EDARADD: variants seen among roughly 807,000 people sequenced by gnomAD.
The protein encoded by EDARADD is ectodysplasin-A receptor-associated adapter protein.
A neutral mutation model predicts 25.6 loss-of-function variants in EDARADD; 20 were observed. The ratio of observed to expected loss-of-function variants is 0.78; its 90% CI spans 0.55 to 1.14. EDARADD has a LOEUF of 1.14. EDARADD is among the 50% of genes most tolerant of loss of function. EDARADD has a pLI of 0.00. For synonymous variants in EDARADD, 86 were observed against 94.4 expected (o/e 0.91, Z 0.52); for missense variants, 225 against 270.1 (o/e 0.83, Z 1.17).
intron 3 of EDARADD, among the ~76,000 whole-genome samples, chr1:236,387,083 T>C (rs1572120391): frequency 7.2e-5 from 1 of 13,812 alleles, no homozygotes; most frequent in Admixed American, 9.3e-4. Context: ...AGCCGCCCCG[T>C]CCGGGAGGGA....
At chr1:236,377,283 G>A (rs1667235395) in intron 3 of EDARADD, among the ~76,000 whole-genome samples, 1 of 150,878 alleles carries the variant, frequency 6.6e-6, no homozygotes, top group Non-Finnish European at 1.5e-5. Flanking sequence ...AGCCCCCCGA[G>A]TAGTTGGGAT....
At chr1:236,412,955 G>A (rs1475069415) in intron 2 of EDARADD, among the ~76,000 whole-genome samples, 3 of 152,186 alleles carry the variant, frequency 2.0e-5, no homozygotes, top group Non-Finnish European at 4.4e-5. Context: ...TGCAACCTCC[G>A]CCTCCTGGGG....
chr1:236,484,409 G>C lies in EDARADD; in HGVS notation c.*1760G>C. 6.2e-7 allele frequency: 1 copy of C among 1,610,026 alleles called. No individual in the cohort carries two copies. The highest frequency in any genetic ancestry group is 2.2e-5 in the East Asian group (1 of 44,840). On this transcript the variant is annotated 3_prime_UTR_variant, in exon 6 of 6. Transcript: ENST00000334232. The surrounding 1 kb of genome is among the most constrained non-coding windows in gnomAD (Gnocchi z 4.1). ...ACAACCAGCTCCTCAGAATTGAAGA[G>C]GAGCTGGGCAGCAAGGCTAAGTTTG...
chr1:236,472,257 A>T (rs1414241565), intron 5 of EDARADD, among the ~76,000 whole-genome samples: 2 of 152,182 alleles, frequency 1.3e-5, no homozygotes, highest in Non-Finnish European at 2.9e-5. Context: ...GTGTAATTCC[A>T]AAATCTAATT....
At chr1:236,421,459 G>A (rs1232426166) in intron 3 of EDARADD, among the ~76,000 whole-genome samples, 1 of 136,420 alleles carries the variant, frequency 7.3e-6, no homozygotes, top group Non-Finnish European at 1.6e-5. Context: ...AAGGAGACTT[G>A]TGGTTAGGCC....
At chr1:236,473,330 C>G (rs1041413474) in intron 5 of EDARADD, among the ~76,000 whole-genome samples, 3 of 151,956 alleles carry the variant, frequency 2.0e-5, no homozygotes, top group African/African-American at 7.2e-5. Flanking sequence ...CCGTGGAGAT[C>G]TAAGACAGGA....
At chr1:236,441,242 C>A (rs1442043148) in intron 4 of EDARADD, among the ~76,000 whole-genome samples, 2 of 146,460 alleles carry the variant, frequency 1.4e-5, no homozygotes, top group African/African-American at 5.0e-5. Flanking sequence ...AAAGACTAAT[C>A]CAGAGTAAGG....
At chr1:236,421,145 T>C (rs11589579) in intron 3 of EDARADD, among the ~76,000 whole-genome samples, 3,073 of 147,248 alleles carry the variant, frequency 0.021, 326 homozygotes, top group Non-Finnish European at 0.033. Context: ...ACAGATGAGA[T>C]CGACAGGAAT....
At chr1:236,412,031 G>T (rs370630010) in intron 2 of EDARADD, among the ~76,000 whole-genome samples, 8 of 152,154 alleles carry the variant, frequency 5.3e-5, no homozygotes, top group East Asian at 1.9e-4. Flanking sequence ...TATTCCCGCT[G>T]GGTACAGGAT....
At chr1:236,467,645 T>C (rs188020255) in intron 4 of EDARADD, among the ~76,000 whole-genome samples, 18 of 149,944 alleles carry the variant, frequency 1.2e-4, no homozygotes, top group African/African-American at 4.3e-4. Context: ...AGGGAAAGAA[T>C]TGTAACCTGG....
intron 5 of EDARADD, among the ~76,000 whole-genome samples, chr1:236,475,740 G>A (rs902550339): frequency 6.6e-6 from 1 of 151,230 alleles, no homozygotes; most frequent in Non-Finnish European, 1.5e-5. Context: ...CTCCAGCTTG[G>A]GCAACAAGGG....
chr1:236,454,399 C>T (rs1658800145), intron 4 of EDARADD, among the ~76,000 whole-genome samples: 1 of 152,212 alleles, frequency 6.6e-6, no homozygotes, highest in African/African-American at 2.4e-5. Flanking sequence ...ACCCCTCACA[C>T]ACCGCCTGCA....
chr1:236,422,555 C>T (rs181863580), intron 3 of EDARADD, among the ~76,000 whole-genome samples: 4 of 152,320 alleles, frequency 2.6e-5, no homozygotes, highest in Admixed American at 6.5e-5. Context: ...AATCTTGGGT[C>T]CTTCCTTTAT....
At chr1:236,365,162 T>C (rs201068295) in intron 3 of EDARADD, among the ~76,000 whole-genome samples, 4 of 150,388 alleles carry the variant, frequency 2.7e-5, no homozygotes, top group Non-Finnish European at 4.4e-5. Flanking sequence ...TTTTTTTTCT[T>C]TCTCTCTCTC....
chr1:236,436,340 A>G (rs1028134804), intron 4 of EDARADD, among the ~76,000 whole-genome samples: 1 of 152,094 alleles, frequency 6.6e-6, no homozygotes, highest in African/African-American at 2.4e-5. Flanking sequence ...CATTTTTAGT[A>G]GAGACCACCA....
At chr1:236,357,093 A>AT (rs1264698717) in intron 3 of EDARADD, among the ~76,000 whole-genome samples, 2 of 152,034 alleles carry the variant, frequency 1.3e-5, no homozygotes, top group African/African-American at 4.8e-5. Flanking sequence ...TCAAATAAAA[A>AT]ATAAAAAAAA....
chr1:236,396,005 C>T (rs1302403716), intron 1 of EDARADD, among the ~76,000 whole-genome samples: 3 of 152,220 alleles, frequency 2.0e-5, no homozygotes, highest in Non-Finnish European at 4.4e-5. Context: ...CAGAAATGGG[C>T]GCAAGGGGGT....
intron 4 of EDARADD, among the ~76,000 whole-genome samples, chr1:236,467,447 CACACACACAT>C (rs1371953562): frequency 2.0e-4 from 30 of 149,202 alleles, no homozygotes; most frequent in Admixed American, 1.6e-3. Context: ...CACACACACA[CACACACACAT>C]ACACACACCT....
chr1:236,381,801 C>CTTTTCTT (rs1667303453), intron 3 of EDARADD, among the ~76,000 whole-genome samples: 1 of 42,072 alleles, frequency 2.4e-5, no homozygotes, highest in African/African-American at 1.1e-4. Context: ...CCTGTGGTTG[C>CTTTTCTT]TTTTTTTTTT....
Sources: allele counts gnomAD v4.1 joint callset (sites outside exome capture counted in the v4.1 genomes callset), GRCh38; gene constraint gnomAD v4.1.1; non-coding constraint Gnocchi (gnomAD v3.1); transcripts MANE v1.5; gene names NCBI Gene and HGNC (gene_info 2026-07-23, HGNC 2026-07-21).